The following RAP1B variants were observed in gnomAD, a reference collection of about 807,000 sequenced individuals.
The protein encoded by RAP1B is ras-related protein Rap-1b.
In RAP1B, 1 loss-of-function variant was observed where a neutral mutation model predicts 27.5. The observed-to-expected ratio is 0.04, with a 90% confidence interval of 0.01 to 0.17. The LOEUF (loss-of-function observed/expected upper bound fraction) is 0.17. Ranked by LOEUF, RAP1B falls within the 10% of genes least tolerant of loss-of-function variation. RAP1B has a pLI of 1.00. For synonymous variants in RAP1B, 75 were observed against 73.1 expected, an observed-to-expected ratio of 1.03 and a Z score of -0.13; for missense variants, 84 against 214.8, an observed-to-expected ratio of 0.39 and a Z score of 3.81.
chr12:68,662,035 A>ATAT lies in RAP1B; in HGVS notation c.*2787_*2789dup, dbSNP rs1555174200. The ATAT allele has an allele frequency of 2.9e-3, 386 of 132,814 alleles. 4 individuals are homozygous for ATAT. The East Asian group carries it at 0.05, about 17-fold the overall frequency. The allele number at this position is 132,814 out of a possible 1,614,324, so 8.2% of individuals were successfully genotyped here. Reference sequence around the variant, plus strand: ...ATATATATATATATATATATATATTATATATAGTACATATATAGAGAGAGT... The same window carrying ATAT: ...ATATATATATATATATATATATATTATATTATATAGTACATATATAGAGAGAGT... On this transcript the variant is annotated 3_prime_UTR_variant, in exon 8 of 8. Transcript: ENST00000250559.
intron 1 of RAP1B, among the ~76,000 whole-genome samples, chr12:68,637,599 C>CAAAAAAAAAAAAAAAAAA (rs58656248): frequency 6.1e-4 from 21 of 34,256 alleles, no homozygotes; most frequent in Non-Finnish European, 9.2e-4. Flanking sequence ...AACTCCATCT[C>CAAAAAAAAAAAAAAAAAA]AAAAAAAAAA....
intron 1 of RAP1B, chr12:68,627,360 G>C (rs1871876646): frequency 1.4e-6 from 1 of 699,180 alleles, no homozygotes. Flanking sequence ...AACTCAGTTG[G>C]CTTAATAGGC....
chr12:68,633,271 C>A (rs1872394423), intron 1 of RAP1B, among the ~76,000 whole-genome samples: 1 of 152,238 alleles, frequency 6.6e-6, no homozygotes, highest in South Asian at 2.1e-4. Flanking sequence ...ATCCCGTTCC[C>A]CAGAGCGCCC....
intron 1 of RAP1B, among the ~76,000 whole-genome samples, chr12:68,630,140 A>G (rs1307844006): frequency 1.3e-5 from 2 of 152,208 alleles, no homozygotes; most frequent in African/African-American, 4.8e-5. Flanking sequence ...TGAGTTGATG[A>G]CTAAGCTGAA....
chr12:68,662,801 G>A lies in RAP1B; in HGVS notation c.*3552G>A, dbSNP rs571388652. 3 of 151,930 alleles carry A rather than the reference G, an allele frequency of 2.0e-5. No individual in the cohort carries two copies. The highest frequency in any genetic ancestry group is 7.2e-5 in the African/African-American group (3 of 41,434). The allele number at this position is 151,930 out of a possible 1,614,324, so 9.4% of individuals were successfully genotyped here. A position where few individuals can be genotyped will look rare whatever the true frequency, so the allele number is the denominator to read the frequency against. The stretch of plus-strand genomic sequence containing the variant: ...TTTTTCAAACAAAACAAATCTGACA[G>A]CCTGGGCAACATAGACCCCATCTCT... On this transcript the variant is annotated 3_prime_UTR_variant, in exon 8 of 8. Coordinates refer to ENST00000250559, the MANE Select transcript of RAP1B (RefSeq NM_001010942.3).
Position 68,663,901 on chromosome 12 carries a change from G to A in RAP1B, c.*4652G>A, listed in dbSNP as rs1874735286. 1.3e-5 allele frequency: 2 copies of A among 152,174 alleles called. No individual in the cohort carries two copies. Among genetic ancestry groups the A allele is most frequent in the Non-Finnish European group, 2.9e-5 (2 of 68,030 alleles). 9.4% of individuals were successfully genotyped at this position (152,174 alleles called of 1,614,324 possible). A position where few individuals can be genotyped will look rare whatever the true frequency, so the allele number is the denominator to read the frequency against. ...TAACAGTCTGTTAAACTTTCTAAGA[G>A]CTTTCCAACTTTCTAAGAGAAAATT... On this transcript the variant is annotated 3_prime_UTR_variant, in exon 8 of 8. Transcript: ENST00000250559.
At chr12:68,620,187 GTTTTTTTA>G (rs1246196488) in intron 1 of RAP1B, among the ~76,000 whole-genome samples, 14 of 147,978 alleles carry the variant, frequency 9.5e-5, no homozygotes, top group African/African-American at 1.5e-4. Flanking sequence ...GGTGGTGGTG[GTTTTTTTA>G]TTTTTTTATT....
At chr12:68,637,881 C>T (rs1463894522) in intron 1 of RAP1B, among the ~76,000 whole-genome samples, 1 of 151,976 alleles carries the variant, frequency 6.6e-6, no homozygotes, top group East Asian at 1.9e-4. Context: ...GTTTCATCTT[C>T]TTAAAATGTA....
At chr12:68,635,670 G>A (rs896035272) in intron 1 of RAP1B, among the ~76,000 whole-genome samples, 10 of 151,948 alleles carry the variant, frequency 6.6e-5, no homozygotes, top group African/African-American at 2.4e-4. Context: ...GGCCAGGCTG[G>A]TCTCGAACTC....
intron 1 of RAP1B, among the ~76,000 whole-genome samples, chr12:68,644,507 C>T (rs1455312457): frequency 2.0e-5 from 3 of 151,310 alleles, no homozygotes; most frequent in East Asian, 2.0e-4. Context: ...TGGCATGAAC[C>T]TGGGAGGCGG....
At chr12:68,639,214 T>C (rs781233741) in intron 1 of RAP1B, among the ~76,000 whole-genome samples, 28 of 152,198 alleles carry the variant, frequency 1.8e-4, no homozygotes, top group Non-Finnish European at 3.4e-4. Context: ...GTCTATGTTA[T>C]TACCTAATAA....
chr12:68,658,099 C>T, intron 7 of RAP1B, among the ~76,000 whole-genome samples: 1 of 152,240 alleles, frequency 6.6e-6, no homozygotes, highest in Non-Finnish European at 1.5e-5. Context: ...CTTCAGCTGT[C>T]ATTAAACTGT....
chr12:68,636,496 T>C (rs1486903648), intron 1 of RAP1B, among the ~76,000 whole-genome samples: 6 of 152,226 alleles, frequency 3.9e-5, no homozygotes, highest in African/African-American at 1.2e-4. Context: ...AATGCAGTCA[T>C]AGCTCACTGT....
intron 1 of RAP1B, among the ~76,000 whole-genome samples, chr12:68,644,927 C>G (rs1423147445): frequency 1.3e-5 from 2 of 152,002 alleles, no homozygotes; most frequent in African/African-American, 4.8e-5. Context: ...CCTGGTCCAG[C>G]TGGTCCAGTG....
chr12:68,637,973 A>G (rs1405434238), intron 1 of RAP1B, among the ~76,000 whole-genome samples: 1 of 152,116 alleles, frequency 6.6e-6, no homozygotes, highest in Non-Finnish European at 1.5e-5. Flanking sequence ...TTTGGATTCA[A>G]AGTTTTTAAG....
intron 1 of RAP1B, chr12:68,642,665 A>T (rs545570317): frequency 8.8e-7 from 1 of 1,137,754 alleles, no homozygotes; most frequent in Non-Finnish European, 1.3e-6. Context: ...ATATTCTACA[A>T]TCCTGGCCTT....
chr12:68,612,456 A>G (rs576274424), intron 1 of RAP1B, among the ~76,000 whole-genome samples: 1 of 152,222 alleles, frequency 6.6e-6, no homozygotes, highest in South Asian at 2.1e-4. Context: ...TAGATCATCC[A>G]GTCCCACCCT....
At chr12:68,630,660 T>C (rs375029501) in intron 1 of RAP1B, among the ~76,000 whole-genome samples, 5 of 152,198 alleles carry the variant, frequency 3.3e-5, no homozygotes, top group African/African-American at 1.2e-4. Context: ...TTTTTGGTTT[T>C]GGGGTCTTTT....
intron 1 of RAP1B, among the ~76,000 whole-genome samples, chr12:68,647,169 C>T (rs554557520): frequency 2.0e-5 from 3 of 152,108 alleles, no homozygotes; most frequent in Non-Finnish European, 2.9e-5. Context: ...TCTCATGCCT[C>T]GGCTTTGCGA....
Sources: gnomAD v4.1 joint callset for allele counts (sites outside exome capture counted in the v4.1 genomes callset) on GRCh38, gnomAD v4.1.1 for gene constraint, MANE v1.5 for transcripts, NCBI Gene and HGNC (gene_info 2026-07-23, HGNC 2026-07-21) for gene names.